Variants in SBF2 observed in about 807,000 individuals in gnomAD.
The protein encoded by SBF2 is myotubularin-related protein 13.
A neutral mutation model predicts 225.2 loss-of-function variants in SBF2; 112 were observed. The observed-to-expected ratio is 0.50, with a 90% CI of 0.43 to 0.58. The LOEUF is 0.58. SBF2 is among the 20% of genes least tolerant of loss of function. The pLI is 0.00. For synonymous variants in SBF2, 763 were observed against 773.3 expected (o/e 0.99, Z 0.22); for missense variants, 1,996 against 2,206.2 (o/e 0.90, Z 1.91).
chr11:9,974,960 C>CAAAAAAAAAAAAAAAAAAA lies in SBF2; in HGVS notation c.1396-6434_1396-6416dup, dbSNP rs1166081188. On this transcript the variant is annotated intron_variant, in intron 13 of 39. Coordinates refer to ENST00000256190, the MANE Select transcript of SBF2 (RefSeq NM_030962.4). ...GGGCAACAACAGCGAAACTTTGACT[C>CAAAAAAAAAAAAAAAAAAA]AAAAAAAAAAAAAAAAAAAAAAAAA... Among the ~76,000 whole-genome samples the CAAAAAAAAAAAAAAAAAAA allele has an allele frequency of 7.2e-3, 168 of 23,268 alleles. 48 individuals are homozygous for CAAAAAAAAAAAAAAAAAAA. The highest frequency in any genetic ancestry group is 0.012 in the Non-Finnish European group (135 of 11,166). The allele number at this position is 23,268 out of a possible 152,430, so 15.3% of individuals were successfully genotyped here.
intron 16 of SBF2, chr11:9,958,817 T>C: frequency 1.8e-6 from 1 of 560,484 alleles, no homozygotes; most frequent in Non-Finnish European, 3.4e-6. Context: ...CGAAAATGGG[T>C]CACAGTCGGC....
chr11:9,882,880 T>A (rs1041613519), intron 17 of SBF2, among the ~76,000 whole-genome samples: 1 of 151,532 alleles, frequency 6.6e-6, no homozygotes, highest in African/African-American at 2.4e-5. Flanking sequence ...TAAGCCATAC[T>A]TCACTACAAA....
intron 2 of SBF2, among the ~76,000 whole-genome samples, chr11:10,182,801 G>T (rs1956789348): frequency 6.6e-6 from 1 of 151,282 alleles, no homozygotes; most frequent in Non-Finnish European, 1.5e-5. Context: ...TTGAGACGGA[G>T]TCTTGCTCTG....
intron 1 of SBF2, among the ~76,000 whole-genome samples, chr11:10,253,434 C>T (rs1337917164): frequency 1.3e-5 from 2 of 152,132 alleles, no homozygotes; most frequent in Non-Finnish European, 2.9e-5. Flanking sequence ...CACATTAGTA[C>T]TCTTTAAGAC....
chr11:9,871,415 A>G (rs746573918), intron 17 of SBF2, among the ~76,000 whole-genome samples: 14 of 151,268 alleles, frequency 9.3e-5, no homozygotes, highest in Non-Finnish European at 1.5e-4. Context: ...TGATCATTAG[A>G]GAAATGATAA....
intron 13 of SBF2, among the ~76,000 whole-genome samples, chr11:9,985,479 T>A (rs1272223970): frequency 6.6e-6 from 1 of 152,116 alleles, no homozygotes; most frequent in Non-Finnish European, 1.5e-5. Context: ...CTCGCCACCA[T>A]GCCTGGCTAA....
At chr11:9,859,226 T>C (rs1048883770) in intron 17 of SBF2, among the ~76,000 whole-genome samples, 2 of 152,224 alleles carry the variant, frequency 1.3e-5, no homozygotes, top group Non-Finnish European at 2.9e-5. Flanking sequence ...GAACTGAAAG[T>C]AAATCAAAAT....
chr11:9,847,215 G>C, intron 22 of SBF2, 132 bp from the exon 23 acceptor site: 1 of 1,105,912 alleles, frequency 9.0e-7, no homozygotes, highest in South Asian at 1.3e-5. Context: ...TGCAGTGAAA[G>C]AAAGTGCCCT....
intron 1 of SBF2, among the ~76,000 whole-genome samples, chr11:10,283,610 T>C (rs1963557731): frequency 6.6e-6 from 1 of 151,218 alleles, no homozygotes; most frequent in Non-Finnish European, 1.5e-5. Context: ...ATAAATGTAT[T>C]AATGGACAGA....
chr11:9,954,478 T>A (rs1866036745), intron 16 of SBF2, among the ~76,000 whole-genome samples: 1 of 152,136 alleles, frequency 6.6e-6, no homozygotes, highest in South Asian at 2.1e-4. Flanking sequence ...CACATTAAAG[T>A]AAGAACATCA....
intron 1 of SBF2, among the ~76,000 whole-genome samples, chr11:10,236,346 C>T (rs571366782): frequency 6.6e-6 from 1 of 152,238 alleles, no homozygotes; most frequent in Non-Finnish European, 1.5e-5. Context: ...TATGCAGTCC[C>T]AGCTACTCAA....
At chr11:10,228,106 G>A (rs1283109521) in intron 1 of SBF2, among the ~76,000 whole-genome samples, 2 of 151,194 alleles carry the variant, frequency 1.3e-5, no homozygotes, top group African/African-American at 4.8e-5. Context: ...GTTCACTCAT[G>A]ATTTGGCTCT....
chr11:10,040,777 A>G (rs185467855), intron 3 of SBF2, among the ~76,000 whole-genome samples: 2 of 151,748 alleles, frequency 1.3e-5, no homozygotes, highest in East Asian at 3.9e-4. Context: ...GGAAGAGGGA[A>G]GAAGGGATAA....
intron 32 of SBF2, among the ~76,000 whole-genome samples, chr11:9,804,926 C>T (rs540092952): frequency 6.6e-6 from 1 of 152,258 alleles, no homozygotes; most frequent in African/African-American, 2.4e-5. Flanking sequence ...TTGAATCTGG[C>T]AACCAATAAT....
At position 9,847,086 on chromosome 11, in the gene SBF2, G is replaced by A. The variant is rs375252298; in HGVS notation, c.2807-3C>T. The A allele has an allele frequency of 8.7e-6, 14 of 1,613,584 alleles. No individual in the cohort carries two copies. Among genetic ancestry groups the A allele is most frequent in the Admixed American group, 1.7e-5 (1 of 59,964 alleles). On this transcript the variant is annotated splice_region_variant and splice_polypyrimidine_tract_variant and intron_variant, in intron 22 of 39. Transcript: ENST00000256190. ...CCGCACAACTGTCTGCTCACCCACT[G>A]TAAATAGACAGGACACAGCTTCAGC...
chr11:9,796,667 C>T (rs561514856), intron 32 of SBF2, among the ~76,000 whole-genome samples: 7 of 152,218 alleles, frequency 4.6e-5, no homozygotes, highest in South Asian at 4.1e-4. Flanking sequence ...GAATGAGGCT[C>T]GGGCCTAGAT....
chr11:9,782,118 C>A (rs148952044), intron 38 of SBF2, among the ~76,000 whole-genome samples: 9 of 150,818 alleles, frequency 6.0e-5, no homozygotes, highest in Non-Finnish European at 5.9e-5. Flanking sequence ...CCTGTGAGGT[C>A]GAGCTGCAGT....
chr11:9,889,714 T>C (rs1277388360), intron 17 of SBF2, among the ~76,000 whole-genome samples: 1 of 152,178 alleles, frequency 6.6e-6, no homozygotes, highest in Non-Finnish European at 1.5e-5. Flanking sequence ...AAAACCTTTA[T>C]GCTCAGTGAG....
intron 16 of SBF2, among the ~76,000 whole-genome samples, chr11:9,925,325 G>C (rs1863947507): frequency 6.6e-6 from 1 of 151,812 alleles, no homozygotes; most frequent in South Asian, 2.1e-4. Flanking sequence ...TTTGCTCTTG[G>C]AGTGCAATGG....
Sources: allele counts gnomAD v4.1 joint callset (sites outside exome capture counted in the v4.1 genomes callset), GRCh38; gene constraint gnomAD v4.1.1; transcripts MANE v1.5; gene names NCBI Gene and HGNC (gene_info 2026-07-23, HGNC 2026-07-21).